Variants in STARD9 observed in about 807,000 individuals in gnomAD.
STARD9 encodes stAR-related lipid transfer protein 9.
In STARD9, 346 loss-of-function variants were observed where a neutral mutation model predicts 399.8. The observed-to-expected ratio is 0.87, with a 90% CI of 0.79 to 0.95. STARD9 has a LOEUF of 0.95. STARD9 is among the 40% of genes least tolerant of loss of function. The pLI, the probability that STARD9 is intolerant of heterozygous loss-of-function variation, is 0.00. For synonymous variants in STARD9, 2,203 were observed against 2,143.5 expected, an observed-to-expected ratio of 1.03 and a Z score of -0.77; for missense variants, 5,832 against 5,667.5, an observed-to-expected ratio of 1.03 and a Z score of -0.93.
intron 7 of STARD9, among the ~76,000 whole-genome samples, chr15:42,644,759 G>T (rs1460238293): frequency 6.6e-6 from 1 of 152,138 alleles, no homozygotes; most frequent in Non-Finnish European, 1.5e-5. Context: ...CTGTTTGATA[G>T]CATTTTACTC....
In STARD9 at chr15:42,585,543, T is replaced by C. The variant is rs547813148; in HGVS notation, c.140T>C (p.Phe47Ser). ...NLKVDNRPDG[F>S]GDSREKVMAF... is the part of the protein sequence containing the mutation. ...TAGGTGGACAATCGACCAGATGGCT[T>C]TGGGGACTCCCGGGAGAAGGTTATG... Residue 47 changes from phenylalanine to serine, a missense_variant, in exon 3 of 33, where the codon TTT (phenylalanine) becomes TCT (serine). By Grantham distance (155) the Phe-to-Ser change is radical (BLOSUM62 -2). Coordinates refer to ENST00000290607, the MANE Select transcript of STARD9 (RefSeq NM_020759.3). 4 of 1,536,966 alleles carry C rather than the reference T, an allele frequency of 2.6e-6. No homozygotes were observed. The highest frequency in any genetic ancestry group is 2.4e-5 in the South Asian group (2 of 84,060).
At position 42,655,993 on chromosome 15, in the gene STARD9, A is replaced by G. The variant is rs535463016; in HGVS notation, c.702+3401A>G. Among the ~76,000 whole-genome samples, 10 of 152,330 alleles carry G rather than the reference A, an allele frequency of 6.6e-5. No homozygotes were observed. The East Asian group carries it at 1.9e-3, about 29-fold the overall frequency. On this transcript the variant is annotated intron_variant, in intron 9 of 32. Coordinates refer to ENST00000290607, the MANE Select transcript of STARD9 (RefSeq NM_020759.3). Reference sequence around the variant, plus strand: ...AAAAAAATGCTCAACATCACTGATTATCAGGGAAATGCAAATCAAAATCAC... The same window carrying G: ...AAAAAAATGCTCAACATCACTGATTGTCAGGGAAATGCAAATCAAAATCAC...
Position 42,691,273 on chromosome 15 carries a change from C to G in STARD9, c.9695C>G (p.Pro3232Arg). The change falls in exon 23 of 33, where the codon CCC becomes CGC. Residue 3232 changes from proline to arginine, a missense_variant. By Grantham distance (103) the Pro-to-Arg change is moderately radical. This residue lies in a region of STARD9 where 5,828 missense variants were observed against 5,651.1 expected (regional missense o/e 1.03). Transcript: ENST00000290607. ...GAAGGCTTCGCCCAGGGTGTGAATC[C>G]CCTTCCTGATGAAGATGGCTTAGAT... ...GGEGFAQGVNPLPDEDGLDGC... is the reference protein window; with the variant it reads ...GGEGFAQGVNRLPDEDGLDGC... The G allele has an allele frequency of 2.0e-6, 3 of 1,537,208 alleles. No homozygotes were observed. The South Asian group carries it at 3.6e-5, about 18-fold the overall frequency.
intron 3 of STARD9, among the ~76,000 whole-genome samples, chr15:42,612,905 A>G (rs908439297): frequency 1.3e-5 from 2 of 150,886 alleles, no homozygotes; most frequent in Non-Finnish European, 2.9e-5. Flanking sequence ...AATTGCTTGA[A>G]CCTGGGAGGT....
intron 3 of STARD9, among the ~76,000 whole-genome samples, chr15:42,598,038 G>GTGTGTGTGTA (rs2058548941): frequency 6.7e-6 from 1 of 148,496 alleles, no homozygotes; most frequent in Non-Finnish European, 1.5e-5. Context: ...GTGTGTGTGT[G>GTGTGTGTGTA]TGTATGTGTT....
rs2060728506 is a variant in STARD9 at position 42,692,317 on chromosome 15, C to T, written c.10739C>T (p.Pro3580Leu). Residue 3580 changes from proline (P) to leucine (L), a missense_variant, in exon 23 of 33, where the codon CCC (proline) becomes CTC (leucine). This residue lies in a region of STARD9 where 5,828 missense variants were observed against 5,651.1 expected (regional missense o/e 1.03). Coordinates refer to ENST00000290607, the MANE Select transcript of STARD9 (RefSeq NM_020759.3). ...CCGACGAGCCCTGAAGGAGTAGCCC[C>T]CACTTCGGGTCATGACAGAAGGCCT... ...HIPTSPEGVA[P>L]TSGHDRRPQF... 2 of 1,537,068 alleles carry T rather than the reference C, an allele frequency of 1.3e-6. No individual in the cohort carries two copies. The highest frequency in any genetic ancestry group is 1.4e-5 in the African/African-American group (1 of 73,166).
intron 15 of STARD9, among the ~76,000 whole-genome samples, chr15:42,666,774 A>G (rs1336309158): frequency 3.3e-5 from 5 of 152,158 alleles, no homozygotes; most frequent in African/African-American, 7.2e-5. Context: ...GACATTTTGG[A>G]AAAGTAGAAT....
In STARD9 at chr15:42,690,899, G is replaced by T; in HGVS notation, c.9321G>T (p.Met3107Ile). 6.5e-7 allele frequency: 1 copy of T among 1,537,180 alleles called. No individual in the cohort carries two copies. ...ELEAASFPAG[M>I]YSEPLRQFRD... ...AGGCTGCCTCTTTCCCTGCAGGCAT[G>T]TACTCTGAGCCCCTGAGGCAGTTTA... The change falls in exon 23 of 33, where the codon ATG becomes ATT. Residue 3107 changes from methionine (M) to isoleucine (I), a missense_variant. Met to Ile is a conservative substitution (Grantham distance 10, BLOSUM62 1). Coordinates refer to ENST00000290607, the MANE Select transcript of STARD9 (RefSeq NM_020759.3).
Position 42,634,905 on chromosome 15 carries a change from A to T in STARD9, c.284A>T (p.Tyr95Phe). The change falls in exon 4 of 33, where the codon TAT (tyrosine) becomes TTT (phenylalanine). Residue 95 changes from tyrosine to phenylalanine, a missense_variant. By Grantham distance (22) the Tyr-to-Phe change is conservative. Coordinates refer to ENST00000290607, the MANE Select transcript of STARD9 (RefSeq NM_020759.3). ...MEVLSGVAKGYNICLFAYGQT... is the reference protein window; with the variant it reads ...MEVLSGVAKGFNICLFAYGQT... ...GTACTGTCTGGAGTTGCCAAAGGCT[A>T]TAACATATGCCTTTTTGCTTATGGA... 2 of 1,537,056 alleles carry T rather than the reference A, an allele frequency of 1.3e-6. No homozygotes were observed. The highest frequency in any genetic ancestry group is 1.7e-6 in the Non-Finnish European group (2 of 1,146,752).
At chr15:42,710,894 T>G (rs1168082577) in intron 26 of STARD9, among the ~76,000 whole-genome samples, 7 of 128,174 alleles carry the variant, frequency 5.5e-5, no homozygotes, top group Non-Finnish European at 7.8e-5. Flanking sequence ...TTGTGCGCTC[T>G]CTCTCTCTCT....
intron 20 of STARD9, 112 bp from the exon 21 acceptor site, chr15:42,681,310 T>A: frequency 1.8e-6 from 2 of 1,140,644 alleles, no homozygotes; most frequent in Non-Finnish European, 2.4e-6. Context: ...TCCAAAGCAC[T>A]CTCTACCCTG....
At chr15:42,681,760 A>T in intron 21 of STARD9, 148 bp downstream of exon 21, 1 of 764,616 alleles carries the variant, frequency 1.3e-6, no homozygotes, top group South Asian at 1.9e-5. Context: ...TAGACACCAG[A>T]GATTCTTATA....
At chr15:42,606,810 AGG>A (rs2058733086) in intron 3 of STARD9, among the ~76,000 whole-genome samples, 1 of 152,042 alleles carries the variant, frequency 6.6e-6, no homozygotes, top group African/African-American at 2.4e-5. Context: ...ATGTACAGTC[AGG>A]GTGCTTTCTT....
chr15:42,670,323 C>T (rs975624095), intron 16 of STARD9: 2 of 152,206 alleles, frequency 1.3e-5, no homozygotes, highest in East Asian at 1.9e-4. Context: ...AGGCATCCAT[C>T]TAGAAAAAGA....
intron 6 of STARD9, among the ~76,000 whole-genome samples, chr15:42,638,336 T>C (rs897447713): frequency 6.6e-6 from 1 of 152,160 alleles, no homozygotes; most frequent in Non-Finnish European, 1.5e-5. Flanking sequence ...GGCTGTCTAG[T>C]AGCCCTTGAG....
In STARD9 at chr15:42,693,155, C is replaced by T. The variant is rs775454524; in HGVS notation, c.11577C>T (p.Pro3859=). The part of the protein sequence containing the change: ...EESYCLVVSS[P]SPSSPHSPGL... Reference sequence around the variant, plus strand: ...CATATTGCTTAGTTGTCAGCAGTCCCAGTCCCAGCTCCCCTCATTCCCCAG... The same window carrying T: ...CATATTGCTTAGTTGTCAGCAGTCCTAGTCCCAGCTCCCCTCATTCCCCAG... Residue 3859 remains proline, a synonymous_variant, in exon 23 of 33, where the codon CCC becomes CCT. Coordinates refer to ENST00000290607, the MANE Select transcript of STARD9 (RefSeq NM_020759.3). 13 of 1,537,166 alleles carry T rather than the reference C, an allele frequency of 8.5e-6. 1 individual carries two copies. The South Asian group carries it at 1.4e-4, about 17-fold the overall frequency.
intron 3 of STARD9, among the ~76,000 whole-genome samples, chr15:42,631,166 C>T (rs1191995381): frequency 1.3e-5 from 2 of 151,946 alleles, no homozygotes; most frequent in African/African-American, 4.8e-5. Context: ...TTTTAAGATG[C>T]ATTATTAGGT....
At chr15:42,662,951 A>G in intron 11 of STARD9, 60 bp downstream of exon 11, 1 of 1,261,308 alleles carries the variant, frequency 7.9e-7, no homozygotes, top group Non-Finnish European at 1.1e-6. Context: ...TCATGTTTTC[A>G]TTTTGTCGCA....
At chr15:42,594,625 A>G (rs2058468175) in intron 3 of STARD9, among the ~76,000 whole-genome samples, 1 of 152,172 alleles carries the variant, frequency 6.6e-6, no homozygotes, top group Admixed American at 6.6e-5. Context: ...ACAAAATAAC[A>G]GTTAGAAGTT....
Sources: allele counts gnomAD v4.1 joint callset (sites outside exome capture counted in the v4.1 genomes callset), GRCh38; gene constraint gnomAD v4.1.1; regional missense constraint gnomAD v4.1.1; transcripts MANE v1.5; gene names NCBI Gene and HGNC (gene_info 2026-07-23, HGNC 2026-07-21).